FMN1: variants seen among roughly 807,000 people sequenced by gnomAD.
FMN1 encodes the protein formin 1.
FMN1 carries 110 observed loss-of-function variants against 132.4 expected under a neutral mutation model. The observed-to-expected ratio is 0.83, with a 90% CI of 0.71 to 0.97. The LOEUF (loss-of-function observed/expected upper bound fraction) is 0.97, where lower values mean the gene tolerates loss of function less well. FMN1 is among the 50% of genes least tolerant of loss of function. The pLI, the probability that FMN1 is intolerant of heterozygous loss-of-function variation, is 0.00. For missense variants in FMN1, 1,792 were observed against 1,705.3 expected (o/e 1.05, Z -0.90); for synonymous variants, 722 against 651.7 (o/e 1.11, Z -1.64).
At chr15:33,122,868 C>T (rs769753907) in intron 4 of FMN1, among the ~76,000 whole-genome samples, 101 of 152,244 alleles carry the variant, frequency 6.6e-4, no homozygotes, top group Middle Eastern at 6.8e-3. Flanking sequence ...ATAGTATAGG[C>T]TATCCAATCT....
intron 6 of FMN1, among the ~76,000 whole-genome samples, chr15:33,043,021 G>A (rs1213941808): frequency 6.6e-6 from 1 of 152,058 alleles, no homozygotes; most frequent in African/African-American, 2.4e-5. Context: ...GACAGTCCCT[G>A]ACTCAAAATG....
intron 17 of FMN1, among the ~76,000 whole-genome samples, chr15:32,840,742 G>A (rs1435702098): frequency 6.6e-6 from 1 of 152,196 alleles, no homozygotes. Context: ...ACAAACATGA[G>A]AGGAAGCTGT....
intron 3 of FMN1, among the ~76,000 whole-genome samples, chr15:33,165,467 T>C (rs1251171387): frequency 6.6e-6 from 1 of 152,202 alleles, no homozygotes; most frequent in Admixed American, 6.5e-5. Context: ...CTCGGCTCAC[T>C]GCAAGCTCCG....
At chr15:32,995,376 A>G (rs1004231411) in intron 7 of FMN1, among the ~76,000 whole-genome samples, 1 of 152,184 alleles carries the variant, frequency 6.6e-6, no homozygotes, top group Admixed American at 6.5e-5. Context: ...TAACACTCAA[A>G]AAGTCTCTCC....
At chr15:33,045,212 G>A (rs1369361999) in intron 6 of FMN1, among the ~76,000 whole-genome samples, 3 of 152,198 alleles carry the variant, frequency 2.0e-5, no homozygotes, top group Non-Finnish European at 4.4e-5. Context: ...CTCGCACCTG[G>A]AGCTGCCCAT....
chr15:32,834,136 A>G (rs2058569617), intron 17 of FMN1, among the ~76,000 whole-genome samples: 1 of 152,230 alleles, frequency 6.6e-6, no homozygotes, highest in Non-Finnish European at 1.5e-5. Flanking sequence ...TCTGATGAAA[A>G]GCAAATTAAA....
At chr15:32,797,984 AT>A (rs950196516) in intron 19 of FMN1, among the ~76,000 whole-genome samples, 2 of 152,108 alleles carry the variant, frequency 1.3e-5, no homozygotes, top group African/African-American at 4.8e-5. Context: ...ACGCTGAGGA[AT>A]TTTTTGTCTC....
intron 6 of FMN1, among the ~76,000 whole-genome samples, chr15:33,019,030 G>C (rs888103359): frequency 6.6e-6 from 1 of 152,186 alleles, no homozygotes; most frequent in Non-Finnish European, 1.5e-5. Context: ...CCACCATGCG[G>C]AAGAGGACCT....
In FMN1 at chr15:32,900,971, T is replaced by C. The variant is rs182881355; in HGVS notation, c.3508-846A>G. Reference sequence around the variant, plus strand: ...GAGTTCAAGACCAGCCTGGCCAACATGGTAAAACCCCATCTCTACTAAAAA... The same window carrying C: ...GAGTTCAAGACCAGCCTGGCCAACACGGTAAAACCCCATCTCTACTAAAAA... On this transcript the variant is annotated intron_variant, in intron 13 of 20. Coordinates refer to ENST00000616417, the MANE Select transcript of FMN1 (RefSeq NM_001277313.2). Among the ~76,000 whole-genome samples, 917 of 152,140 alleles carry C rather than the reference T, an allele frequency of 6.0e-3. 9 individuals are homozygous for C. The highest frequency in any genetic ancestry group is 0.021 in the African/African-American group (878 of 41,466).
In FMN1 at chr15:33,008,173, G is replaced by C. The variant is rs7167928; in HGVS notation, c.2162-98C>G. On this transcript the variant is annotated intron_variant, in intron 6 of 20. Coordinates refer to ENST00000616417, the MANE Select transcript of FMN1 (RefSeq NM_001277313.2). ...TAGAAATAAACTGACTAAAATAAAT[G>C]CCACAATTTGACATCAACCTTACAA... is the stretch of plus-strand genomic sequence containing the variant. 5.0e-3 allele frequency: 4,633 copies of C among 923,642 alleles called. 101 individuals are homozygous for C. The African/African-American group carries it at 0.054, about 11-fold the overall frequency. The allele number at this position is 923,642 out of a possible 1,614,324, so 57.2% of individuals were successfully genotyped here.
chr15:32,936,514 T>TA (rs1460953683), intron 9 of FMN1, among the ~76,000 whole-genome samples: 1 of 152,190 alleles, frequency 6.6e-6, no homozygotes, highest in Non-Finnish European at 1.5e-5. Context: ...CTGTCTATGG[T>TA]ACTGCAGTTT....
intron 3 of FMN1, among the ~76,000 whole-genome samples, chr15:33,156,590 G>A (rs757283390): frequency 3.4e-4 from 51 of 151,750 alleles, no homozygotes; most frequent in South Asian, 4.1e-4. Context: ...GCTCCCGGCC[G>A]TATTTTTAAA....
intron 9 of FMN1, among the ~76,000 whole-genome samples, chr15:32,939,501 C>G (rs1008167359): frequency 6.6e-6 from 1 of 151,916 alleles, no homozygotes; most frequent in Non-Finnish European, 1.5e-5. Context: ...TTTCTGAATG[C>G]TTTTTTAGAA....
chr15:33,124,381 T>TC lies in FMN1; in HGVS notation c.1867+28666dup, dbSNP rs138865938. Among the ~76,000 whole-genome samples the TC allele has an allele frequency of 9.5e-3, 1,446 of 152,322 alleles. 8 individuals carry two copies. The highest frequency in any genetic ancestry group is 0.012 in the Non-Finnish European group (843 of 68,028). On this transcript the variant is annotated intron_variant, in intron 4 of 20. Coordinates refer to ENST00000616417, the MANE Select transcript of FMN1 (RefSeq NM_001277313.2). ...TACTTCTGATCAATGAGTAGGACCCTCTGTACATTTCACCCCCCTTGCCAT... is the reference window on the plus strand; with the variant it reads ...TACTTCTGATCAATGAGTAGGACCCTCCTGTACATTTCACCCCCCTTGCCAT...
At chr15:33,055,023 T>C (rs1396355871) in intron 6 of FMN1, among the ~76,000 whole-genome samples, 1 of 152,136 alleles carries the variant, frequency 6.6e-6, no homozygotes, top group African/African-American at 2.4e-5. Flanking sequence ...CACTCAAAAA[T>C]TTAACCTGAA....
intron 4 of FMN1, among the ~76,000 whole-genome samples, chr15:33,149,308 G>A (rs1371274336): frequency 6.6e-6 from 1 of 152,028 alleles, no homozygotes; most frequent in African/African-American, 2.4e-5. Context: ...CAAAACCTGA[G>A]AGCATTTTAT....
chr15:33,165,105 G>A (rs1259221860), intron 3 of FMN1, among the ~76,000 whole-genome samples: 3 of 152,180 alleles, frequency 2.0e-5, no homozygotes, highest in Non-Finnish European at 4.4e-5. Context: ...ATTCCTACTC[G>A]TTGAACATTT....
rs1566901367 is a variant in FMN1 at position 33,084,160 on chromosome 15, G to C, written c.2043+4639C>G. 2.0e-5 allele frequency among the ~76,000 whole-genome samples: 3 copies of C among 152,156 alleles called. No individual in the cohort carries two copies. In the South Asian group the frequency reaches 6.2e-4, roughly 32 times the overall value. ...CCCACACCACTGTGCTCTGCCTATGGAGTAGCTATTCTTTTATTCCTTTAC... is the reference window on the plus strand; with the variant it reads ...CCCACACCACTGTGCTCTGCCTATGCAGTAGCTATTCTTTTATTCCTTTAC... On this transcript the variant is annotated intron_variant, in intron 5 of 20. Coordinates refer to ENST00000616417, the MANE Select transcript of FMN1 (RefSeq NM_001277313.2).
chr15:33,165,444 G>A (rs1167715033), intron 3 of FMN1, among the ~76,000 whole-genome samples: 1 of 152,218 alleles, frequency 6.6e-6, no homozygotes, highest in Non-Finnish European at 1.5e-5. Context: ...AGGCTGGAGT[G>A]CAGTGGCGCG....
Sources: allele counts gnomAD v4.1 joint callset (sites outside exome capture counted in the v4.1 genomes callset), GRCh38; gene constraint gnomAD v4.1.1; transcripts MANE v1.5; gene names NCBI Gene and HGNC (gene_info 2026-07-23, HGNC 2026-07-21).